PIK3C3: variants seen among roughly 807,000 people sequenced by gnomAD.
PIK3C3 encodes PI3-kinase type 3.
In PIK3C3, 95 loss-of-function variants were observed where a neutral mutation model predicts 126.1. The ratio of observed to expected loss-of-function variants is 0.75; its 90% CI spans 0.64 to 0.89. PIK3C3 has a LOEUF of 0.89. Among genes scored for constraint, PIK3C3 ranks in the 40% least tolerant of loss-of-function variants. The probability of loss-of-function intolerance (pLI) is 0.00; values close to 1 mark genes in which losing one functional copy is unlikely to be tolerated. For synonymous variants in PIK3C3, 374 were observed against 360.0 expected (o/e 1.04, Z -0.44); for missense variants, 829 against 1,063.2 (o/e 0.78, Z 3.06).
intron 4 of PIK3C3, among the ~76,000 whole-genome samples, chr18:41,985,603 T>C (rs923109695): frequency 6.6e-6 from 1 of 152,196 alleles, no homozygotes; most frequent in Non-Finnish European, 1.5e-5. Flanking sequence ...TTCTCACTAT[T>C]GATGAACATT....
chr18:42,004,432 A>G lies in PIK3C3; in HGVS notation c.1061A>G (p.Lys354Arg), dbSNP rs1354136178. 6.2e-7 allele frequency: 1 copy of G among 1,613,750 alleles called. No individual in the cohort carries two copies. The highest frequency in any genetic ancestry group is 1.3e-5 in the African/African-American group (1 of 74,904). ...AAACAGGCCTTGGAACTTCTGGGAA[A>G]ATGGAAGCCGATGGATGTAGAGGAC... Reference protein sequence around the residue: ...EAKQALELLGKWKPMDVEDSL... With the variant: ...EAKQALELLGRWKPMDVEDSL... The change falls in exon 10 of 25, where the codon AAA (lysine) becomes AGA (arginine). Residue 354 changes from lysine to arginine, a missense_variant. This residue lies in a region of PIK3C3 where 64 missense variants were observed against 118.7 expected (regional missense o/e 0.54). Transcript: ENST00000262039.
intron 24 of PIK3C3, among the ~76,000 whole-genome samples, chr18:42,076,437 G>A (rs1025784460): frequency 1.4e-4 from 22 of 151,754 alleles, no homozygotes; most frequent in African/African-American, 4.8e-4. Context: ...ATATATAAAG[G>A]AGTCGCCAGG....
intron 15 of PIK3C3, 78 bp downstream of exon 15, chr18:42,029,519 T>G: frequency 1.3e-6 from 1 of 769,774 alleles, no homozygotes; most frequent in Non-Finnish European, 2.3e-6. Flanking sequence ...ATTGTCTTTT[T>G]GGGTTGATAC....
chr18:42,032,618 T>G (rs1379485758), intron 15 of PIK3C3, among the ~76,000 whole-genome samples: 4 of 147,782 alleles, frequency 2.7e-5, no homozygotes, highest in Admixed American at 1.4e-4. Flanking sequence ...TTTTACTTTC[T>G]GGTTATTTTA....
chr18:41,992,057 A>T (rs1981804594), intron 6 of PIK3C3, among the ~76,000 whole-genome samples: 3 of 152,224 alleles, frequency 2.0e-5, no homozygotes, highest in Admixed American at 2.0e-4. Flanking sequence ...ACAGCTTGAT[A>T]GCAGATGAAA....
intron 4 of PIK3C3, among the ~76,000 whole-genome samples, chr18:41,973,589 TACTTA>T (rs1309213480): frequency 6.6e-6 from 1 of 152,044 alleles, no homozygotes; most frequent in Non-Finnish European, 1.5e-5. Flanking sequence ...TATGCTTAGA[TACTTA>T]ACTTGTTCTT....
In PIK3C3 at chr18:42,081,118, T is replaced by C. The variant is rs749913417; in HGVS notation, c.2650-5T>C. ...TTTCTGTTTATTTCTTTTTAATTTT[T>C]GTAGTACTGGAGAAAATGAAACTGG... On this transcript the variant is annotated splice_polypyrimidine_tract_variant and splice_region_variant and intron_variant, in intron 24 of 24. Coordinates refer to ENST00000262039, the MANE Select transcript of PIK3C3 (RefSeq NM_002647.4). The C allele has an allele frequency of 2.0e-6, 3 of 1,532,176 alleles. No individual in the cohort carries two copies. Among genetic ancestry groups the C allele is most frequent in the Non-Finnish European group, 2.7e-6 (3 of 1,112,490 alleles). The allele number at this position is 1,532,176 out of a possible 1,614,324, so 94.9% of individuals were successfully genotyped here.
At chr18:42,041,183 A>G (rs564799760) in intron 19 of PIK3C3, among the ~76,000 whole-genome samples, 14 of 152,094 alleles carry the variant, frequency 9.2e-5, no homozygotes, top group South Asian at 2.1e-4. Flanking sequence ...TTCTGTGTCA[A>G]AAAAAAACAA....
chr18:42,047,947 C>G (rs1052443450), intron 20 of PIK3C3, among the ~76,000 whole-genome samples: 1 of 152,156 alleles, frequency 6.6e-6, no homozygotes, highest in East Asian at 1.9e-4. Flanking sequence ...GTCAGATGAT[C>G]TGTGTAACCA....
intron 24 of PIK3C3, among the ~76,000 whole-genome samples, chr18:42,076,114 A>ATATATATC (rs1985981492): frequency 1.3e-5 from 1 of 74,520 alleles, no homozygotes; most frequent in Non-Finnish European, 2.6e-5. Flanking sequence ...ATATATATAT[A>ATATATATC]TATATATGCG....
At chr18:42,051,140 G>T (rs894388664) in intron 21 of PIK3C3, 4 of 152,234 alleles carry the variant, frequency 2.6e-5, no homozygotes, top group African/African-American at 9.6e-5. Context: ...TGCTCTCCTA[G>T]AGCTTGTTGA....
At position 42,058,068 on chromosome 18, in the gene PIK3C3, G is replaced by C. The variant is rs1002117034; in HGVS notation, c.2432+17G>C. 1.0e-5 allele frequency: 16 copies of C among 1,541,244 alleles called. No homozygotes were observed. Among genetic ancestry groups the C allele is most frequent in the African/African-American group, 1.4e-5 (1 of 70,986 alleles). The stretch of plus-strand genomic sequence containing the variant: ...CCTGCGAAGGTAAGTTGATTTGCTT[G>C]GCACAGAGAATTTGGGTAAATTTAT... On this transcript the variant is annotated intron_variant, in intron 22 of 24. Coordinates refer to ENST00000262039, the MANE Select transcript of PIK3C3 (RefSeq NM_002647.4).
intron 2 of PIK3C3, 86 bp from the exon 3 acceptor site, chr18:41,962,403 G>A (rs1481273579): frequency 2.6e-6 from 3 of 1,148,528 alleles, no homozygotes; most frequent in Admixed American, 6.9e-5. Context: ...CTTTTCCTCT[G>A]GCCAAAACTT....
intron 17 of PIK3C3, 126 bp from the exon 18 acceptor site, chr18:42,038,655 A>G (rs1984169808): frequency 3.1e-6 from 2 of 647,020 alleles, no homozygotes; most frequent in Non-Finnish European, 5.4e-6. Flanking sequence ...AAGTTAACTA[A>G]TTTAAACTTA....
At chr18:42,025,449 A>G (rs2156015) in intron 13 of PIK3C3, 34,242 of 152,072 alleles carry the variant, frequency 0.23, 4,350 homozygotes, top group South Asian at 0.4. Flanking sequence ...AGGTAGTGCT[A>G]TGTTCTCTGG....
chr18:42,067,606 A>ATCTTTTCTGTTTT (rs1985597816), intron 24 of PIK3C3, 93 bp downstream of exon 24: 2 of 1,370,848 alleles, frequency 1.5e-6, no homozygotes, highest in Non-Finnish European at 2.0e-6. Flanking sequence ...GCCAGTTGAC[A>ATCTTTTCTGTTTT]TCTTTTCTGT....
intron 17 of PIK3C3, among the ~76,000 whole-genome samples, 186 bp from the exon 18 acceptor site, chr18:42,038,595 C>T (rs953427837): frequency 3.9e-5 from 6 of 152,050 alleles, no homozygotes; most frequent in Admixed American, 2.0e-4. Flanking sequence ...CCACCCGCCT[C>T]GGCCTCCCAA....
At chr18:42,010,010 T>C (rs1457674830) in intron 10 of PIK3C3, among the ~76,000 whole-genome samples, 1 of 152,194 alleles carries the variant, frequency 6.6e-6, no homozygotes, top group Non-Finnish European at 1.5e-5. Flanking sequence ...ACTCTTTTTT[T>C]CACAAAAGAT....
chr18:42,057,449 A>G (rs1277130707), intron 21 of PIK3C3, among the ~76,000 whole-genome samples: 2 of 152,140 alleles, frequency 1.3e-5, no homozygotes, highest in Non-Finnish European at 2.9e-5. Context: ...AGTAATAATA[A>G]GTTAGCAGAA....
Sources: gnomAD v4.1 joint callset for allele counts (sites outside exome capture counted in the v4.1 genomes callset) on GRCh38, gnomAD v4.1.1 for gene constraint, gnomAD v4.1.1 regional missense constraint, MANE v1.5 for transcripts, NCBI Gene and HGNC (gene_info 2026-07-23, HGNC 2026-07-21) for gene names.